Variants in VWA8 observed in about 807,000 individuals in gnomAD.
VWA8 encodes von Willebrand factor A domain-containing protein 8.
VWA8 carries 221 observed loss-of-function variants against 241.5 expected under a neutral mutation model. The ratio of observed to expected loss-of-function variants is 0.91; its 90% CI spans 0.82 to 1.02. The LOEUF (loss-of-function observed/expected upper bound fraction) is 1.02, where lower values mean the gene tolerates loss of function less well. VWA8 is among the 50% of genes least tolerant of loss of function. The probability of loss-of-function intolerance (pLI) is 0.00; values close to 1 mark genes in which losing one functional copy is unlikely to be tolerated. For synonymous variants in VWA8, 852 were observed against 827.1 expected, an observed-to-expected ratio of 1.03 and a Z score of -0.52; for missense variants, 2,322 against 2,328.7, an observed-to-expected ratio of 1.00 and a Z score of 0.06.
intron 4 of VWA8, among the ~76,000 whole-genome samples, chr13:41,892,667 T>A (rs12872369): frequency 6.6e-6 from 1 of 152,156 alleles, no homozygotes; most frequent in Non-Finnish European, 1.5e-5. Context: ...TCATATGGGG[T>A]CCCTCAGACC....
At position 41,671,118 on chromosome 13, in the gene VWA8, C is replaced by T. The variant is rs761539962; in HGVS notation, c.4439G>A (p.Trp1480Ter). 3.7e-6 allele frequency: 6 copies of T among 1,613,808 alleles called. No homozygotes were observed. The South Asian group carries it at 6.6e-5, about 18-fold the overall frequency. Residue 1480 changes from tryptophan to a stop codon, truncating the protein, a stop_gained, in exon 37 of 45, where the codon TGG becomes TAG. Transcript: ENST00000379310. LOFTEE classifies it high-confidence loss of function. ...RSESLSPYTT[W>*]LSTISDTDAL... ...ATCTGTGTCTGAAATGGTCGACAGC[C>T]ATGTGGTATACGGCGAGAGAGATTC...
intron 14 of VWA8, among the ~76,000 whole-genome samples, chr13:41,820,925 C>CA (rs902117644): frequency 6.6e-6 from 1 of 151,668 alleles, no homozygotes; most frequent in African/African-American, 2.4e-5. Context: ...CTAGTTAGGA[C>CA]AAAAAAAGGT....
At chr13:41,924,660 T>G (rs902481698) in intron 2 of VWA8, among the ~76,000 whole-genome samples, 1 of 151,886 alleles carries the variant, frequency 6.6e-6, no homozygotes, top group African/African-American at 2.4e-5. Context: ...TCTTACAAAA[T>G]TACTGAAACA....
intron 21 of VWA8, among the ~76,000 whole-genome samples, chr13:41,749,465 G>C (rs1296928193): frequency 6.8e-6 from 1 of 146,864 alleles, no homozygotes; most frequent in Non-Finnish European, 1.5e-5. Flanking sequence ...CAGGGATCTA[G>C]AACTAGAAAT....
rs183091853 is a variant in VWA8, at chr13:41,727,563, A to T, written c.2639-250T>A. On this transcript the variant is annotated intron_variant, in intron 23 of 44. Transcript: ENST00000379310. ...TCTTATATACCTTCAGAGTACATCT[A>T]AAAAAAAGCAACCTTGTCCAAATGT... Among the ~76,000 whole-genome samples the T allele has an allele frequency of 7.2e-4, 110 of 152,010 alleles. 1 individual carries two copies. Among genetic ancestry groups the T allele is most frequent in the Non-Finnish European group, 1.1e-3 (74 of 67,902 alleles).
rs116342576 is a variant in VWA8, at chr13:41,926,589, C to A, written c.242-14421G>T. On this transcript the variant is annotated intron_variant, in intron 2 of 44. Coordinates refer to ENST00000379310, the MANE Select transcript of VWA8 (RefSeq NM_015058.2). ...TTGAGGCACAATCCTGAGTTCACCA[C>A]CTGCGAGTTCTATATGGCCTATGCA... 81 of 546,992 alleles carry A rather than the reference C, an allele frequency of 1.5e-4. 2 individuals are homozygous for A. Among genetic ancestry groups the A allele is most frequent in the South Asian group, 1.1e-3 (77 of 72,400 alleles). The allele number at this position is 546,992 out of a possible 1,614,324, so 33.9% of individuals were successfully genotyped here.
chr13:41,672,640 C>CA (rs918150514), intron 36 of VWA8, among the ~76,000 whole-genome samples: 2 of 152,102 alleles, frequency 1.3e-5, no homozygotes, highest in African/African-American at 4.8e-5. Flanking sequence ...ATACTAAACA[C>CA]AGAGTGACAA....
chr13:41,738,991 A>G (rs765434553), intron 21 of VWA8, among the ~76,000 whole-genome samples: 18 of 152,198 alleles, frequency 1.2e-4, no homozygotes, highest in Non-Finnish European at 2.2e-4. Flanking sequence ...TAACAACACA[A>G]AAGTGTGATA....
intron 35 of VWA8, among the ~76,000 whole-genome samples, chr13:41,678,081 G>A (rs933989438): frequency 2.0e-5 from 3 of 152,204 alleles, no homozygotes; most frequent in African/African-American, 4.8e-5. Flanking sequence ...GGCATTCACA[G>A]TAAAATGAGG....
intron 12 of VWA8, among the ~76,000 whole-genome samples, chr13:41,851,379 C>T (rs920287094): frequency 3.3e-5 from 5 of 152,188 alleles, no homozygotes; most frequent in African/African-American, 1.2e-4. Context: ...TAATGTCCTC[C>T]AGGTTTATTT....
At chr13:41,695,547 G>C (rs1423178800) in intron 29 of VWA8, among the ~76,000 whole-genome samples, 1 of 152,130 alleles carries the variant, frequency 6.6e-6, no homozygotes, top group African/African-American at 2.4e-5. Flanking sequence ...TCACAGCTGT[G>C]TGCTGTTCAC....
At chr13:41,692,036 C>T in intron 30 of VWA8, 98 bp from the exon 31 acceptor site, 1 of 733,286 alleles carries the variant, frequency 1.4e-6, no homozygotes, top group Non-Finnish European at 2.3e-6. Context: ...AGTTCTTCAA[C>T]TAGTAAAACA....
Position 41,830,665 on chromosome 13 carries a change from C to T in VWA8, c.1587-23G>A, listed in dbSNP as rs373528445. On this transcript the variant is annotated intron_variant, in intron 13 of 44. Transcript: ENST00000379310. ...AACCTAACAAGATAAGAAAAAAGCCCGAAAATAAATTAATGTGTTTTGAAC... is the reference window on the plus strand; with the variant it reads ...AACCTAACAAGATAAGAAAAAAGCCTGAAAATAAATTAATGTGTTTTGAAC... 8.1e-6 allele frequency: 13 copies of T among 1,599,060 alleles called. No individual in the cohort carries two copies. The African/African-American group carries it at 1.1e-4, about 13-fold the overall frequency.
chr13:41,928,443 A>G (rs1876949664), intron 2 of VWA8, among the ~76,000 whole-genome samples: 1 of 152,206 alleles, frequency 6.6e-6, no homozygotes, highest in Non-Finnish European at 1.5e-5. Context: ...AGTAACAGGA[A>G]GAATCCTGGA....
At chr13:41,675,965 A>C (rs1276179751) in intron 35 of VWA8, among the ~76,000 whole-genome samples, 1 of 152,006 alleles carries the variant, frequency 6.6e-6, no homozygotes, top group Non-Finnish European at 1.5e-5. Flanking sequence ...TGGGGTGAGG[A>C]CTCTGGAGTT....
chr13:41,573,486 A>AAAATAAATAAATAAATAAATAT, intron 43 of VWA8, among the ~76,000 whole-genome samples: 3 of 113,598 alleles, frequency 2.6e-5, no homozygotes, highest in African/African-American at 1.0e-4. Flanking sequence ...AAAAAAAAAA[A>AAAATAAATAAATAAATAAATAT]ATATATATAT....
intron 4 of VWA8, among the ~76,000 whole-genome samples, chr13:41,905,640 T>C (rs1875673823): frequency 6.6e-6 from 1 of 152,140 alleles, no homozygotes; most frequent in Non-Finnish European, 1.5e-5. Flanking sequence ...CTTACCTGTT[T>C]TGACTTTTAG....
chr13:41,913,758 C>G (rs1876120069), intron 2 of VWA8, among the ~76,000 whole-genome samples: 1 of 152,196 alleles, frequency 6.6e-6, no homozygotes, highest in African/African-American at 2.4e-5. Flanking sequence ...TATAATCTCC[C>G]CAAAACAAAT....
chr13:41,741,620 T>C (rs1173383164), intron 21 of VWA8, among the ~76,000 whole-genome samples: 2 of 152,214 alleles, frequency 1.3e-5, no homozygotes, highest in Non-Finnish European at 2.9e-5. Context: ...CTAGTGTCTA[T>C]CATTATGCCT....
Sources: gnomAD v4.1 joint callset for allele counts (sites outside exome capture counted in the v4.1 genomes callset) on GRCh38, gnomAD v4.1.1 for gene constraint, MANE v1.5 for transcripts, NCBI Gene and HGNC (gene_info 2026-07-23, HGNC 2026-07-21) for gene names.